OCLN: variants seen among roughly 807,000 people sequenced by gnomAD.
The protein encoded by OCLN is occludin.
OCLN carries 21 observed loss-of-function variants against 47.9 expected under a neutral mutation model. The observed-to-expected ratio is 0.44, with a 90% CI of 0.31 to 0.63. OCLN has a LOEUF of 0.63. OCLN is among the 30% of genes least tolerant of loss of function. The pLI is 0.08. For missense variants in OCLN, 360 were observed against 571.0 expected, an observed-to-expected ratio of 0.63 and a Z score of 3.77; for synonymous variants, 117 against 198.4, an observed-to-expected ratio of 0.59 and a Z score of 3.45.
intron 5 of OCLN, among the ~76,000 whole-genome samples, chr5:69,537,188 GCT>G (rs2112072214): frequency 9.0e-6 from 1 of 111,208 alleles, no homozygotes; most frequent in East Asian, 2.7e-4. Flanking sequence ...TATTCTATAA[GCT>G]TTTTTTTTTT....
At chr5:69,532,726 G>T (rs1580583761) in intron 4 of OCLN, among the ~76,000 whole-genome samples, 2 of 152,068 alleles carry the variant, frequency 1.3e-5, no homozygotes, top group Admixed American at 1.3e-4. Flanking sequence ...CCAGCACTTT[G>T]GGAGGCCGAG....
intron 4 of OCLN, among the ~76,000 whole-genome samples, chr5:69,514,465 G>C (rs544783009): frequency 7.9e-5 from 12 of 151,820 alleles, no homozygotes; most frequent in Non-Finnish European, 1.8e-4. Flanking sequence ...CATTGCCAAA[G>C]GTGCTCTCGT....
chr5:69,528,205 C>T (rs1207111093), intron 4 of OCLN, among the ~76,000 whole-genome samples: 2 of 152,022 alleles, frequency 1.3e-5, no homozygotes, highest in Admixed American at 6.6e-5. Flanking sequence ...CGAGTTAGAC[C>T]ACTTACTGTT....
chr5:69,501,067 C>CCACCAT (rs1385493651), intron 1 of OCLN, among the ~76,000 whole-genome samples: 4 of 152,100 alleles, frequency 2.6e-5, no homozygotes, highest in Admixed American at 2.6e-4. Flanking sequence ...CAGGCACGTG[C>CCACCAT]CACCATGCCC....
chr5:69,519,405 A>G (rs1769069400), intron 4 of OCLN, among the ~76,000 whole-genome samples: 2 of 152,130 alleles, frequency 1.3e-5, no homozygotes, highest in South Asian at 4.1e-4. Context: ...AGAGTTTTAT[A>G]ATTCCCTGTC....
At chr5:69,535,928 C>T (rs1359686320) in intron 5 of OCLN, among the ~76,000 whole-genome samples, 14 of 152,102 alleles carry the variant, frequency 9.2e-5, no homozygotes, top group African/African-American at 3.1e-4. Flanking sequence ...AGTTCAAGAC[C>T]GGCCTGACCA....
chr5:69,533,509 G>T (rs534971001), intron 4 of OCLN, among the ~76,000 whole-genome samples: 1 of 152,060 alleles, frequency 6.6e-6, no homozygotes, highest in Non-Finnish European at 1.5e-5. Context: ...GTTAGATTAC[G>T]CGGTTTCTGG....
chr5:69,518,417 G>C (rs1041647673), intron 4 of OCLN, among the ~76,000 whole-genome samples: 1 of 152,110 alleles, frequency 6.6e-6, no homozygotes, highest in Non-Finnish European at 1.5e-5. Flanking sequence ...TTTTTGAACT[G>C]AAATGCCTCA....
intron 4 of OCLN, 88 bp downstream of exon 4, chr5:69,514,197 G>T (rs1399705318): frequency 1.1e-5 from 13 of 1,198,044 alleles, no homozygotes; most frequent in Non-Finnish European, 1.6e-5. Flanking sequence ...TTTATTCTTA[G>T]AATTAATGTT....
rs745931822 is a variant in OCLN, at chr5:69,504,282, G to GTGTA, written c.38_39insTGTA (p.Arg13SerfsTer4). The GTGTA allele has an allele frequency of 6.3e-7, 1 of 1,594,160 alleles. No homozygotes were observed. Among genetic ancestry groups the GTGTA allele is most frequent in the South Asian group, 1.1e-5 (1 of 90,548 alleles). ...CCTCTTGAAAGTCCACCTCCTTACA[G>GTGTA]GCCTGATGAATTGTAAGTAAATAAT... On this transcript the variant is annotated frameshift_variant, in exon 2 of 9. Coordinates refer to ENST00000396442, the MANE Select transcript of OCLN (RefSeq NM_001205254.2). LOFTEE classifies it high-confidence loss of function.
At position 69,509,660 on chromosome 5, in the gene OCLN, A is replaced by G. The variant is rs1387676481; in HGVS notation, c.570A>G (p.Thr190=). 6.2e-7 allele frequency: 1 copy of G among 1,614,076 alleles called. No individual in the cohort carries two copies. Among genetic ancestry groups the G allele is most frequent in the Non-Finnish European group, 8.5e-7 (1 of 1,180,028 alleles). The change falls in exon 3 of 9, where the codon ACA becomes ACG. Residue 190 remains threonine (T), a synonymous_variant. Transcript: ENST00000396442. ...TGGGCATCATGGTGTTTATTGCCAC[A>G]ATTGTCTATATAATGGGAGTGAACC... is the stretch of plus-strand genomic sequence containing the variant. ...AILGIMVFIA[T]IVYIMGVNPT...
At chr5:69,534,104 G>A (rs1311140865) in intron 4 of OCLN, among the ~76,000 whole-genome samples, 18 of 138,980 alleles carry the variant, frequency 1.3e-4, no homozygotes, top group Non-Finnish European at 2.1e-4. Context: ...CATAGAGAAC[G>A]TACATTAAGG....
chr5:69,509,717 T>C lies in OCLN; in HGVS notation c.627T>C (p.Gly209=). 2.5e-6 allele frequency: 4 copies of C among 1,614,156 alleles called. No individual in the cohort carries two copies. Among genetic ancestry groups the C allele is most frequent in the Non-Finnish European group, 2.5e-6 (3 of 1,179,990 alleles). Residue 209 remains glycine (G), a synonymous_variant, in exon 3 of 9, where the codon GGT becomes GGC. Coordinates refer to ENST00000396442, the MANE Select transcript of OCLN (RefSeq NM_001205254.2). The part of the protein sequence containing the change: ...PTAQSSGSLY[G]SQIYALCNQF... ...CTCAGTCTTCTGGATCTCTATATGG[T>C]TCACAAATATATGCCCTCTGCAACC...
At chr5:69,511,452 C>T (rs187185530) in intron 3 of OCLN, among the ~76,000 whole-genome samples, 1 of 152,148 alleles carries the variant, frequency 6.6e-6, no homozygotes, top group Admixed American at 6.6e-5. Flanking sequence ...CTCACTGTCA[C>T]CCAGGCTGGG....
intron 1 of OCLN, among the ~76,000 whole-genome samples, chr5:69,501,292 C>T (rs1005564771): frequency 1.4e-4 from 22 of 152,120 alleles, no homozygotes; most frequent in African/African-American, 3.6e-4. Context: ...ATAACATTTT[C>T]GCCTAAATTG....
chr5:69,549,852 G>A (rs1453050780), intron 7 of OCLN, among the ~76,000 whole-genome samples: 1 of 150,916 alleles, frequency 6.6e-6, no homozygotes, highest in Non-Finnish European at 1.5e-5. Context: ...TCGCTTTGAC[G>A]GTTGGGAACT....
chr5:69,518,005 G>A (rs562466272), intron 4 of OCLN, among the ~76,000 whole-genome samples: 4 of 152,260 alleles, frequency 2.6e-5, no homozygotes, highest in South Asian at 2.1e-4. Flanking sequence ...CAACAAACCC[G>A]ACTCAAGGGA....
chr5:69,528,511 T>C (rs1490203176), intron 4 of OCLN, among the ~76,000 whole-genome samples: 3 of 152,148 alleles, frequency 2.0e-5, no homozygotes, highest in Non-Finnish European at 4.4e-5. Context: ...TTTAAGACAA[T>C]GAGAATGGTC....
chr5:69,518,769 C>G (rs1247199314), intron 4 of OCLN, among the ~76,000 whole-genome samples: 1 of 152,168 alleles, frequency 6.6e-6, no homozygotes, highest in African/African-American at 2.4e-5. Flanking sequence ...GAATTAACTA[C>G]TTGCACTAAA....
Sources: gnomAD v4.1 joint callset for allele counts (sites outside exome capture counted in the v4.1 genomes callset) on GRCh38, gnomAD v4.1.1 for gene constraint, MANE v1.5 for transcripts, NCBI Gene and HGNC (gene_info 2026-07-23, HGNC 2026-07-21) for gene names.